Variants in RBM19 observed in about 807,000 individuals in gnomAD.
The protein encoded by RBM19 is probable RNA-binding protein 19.
Under a neutral mutation model 116.8 loss-of-function variants are expected in RBM19, and 94 were observed. The observed-to-expected ratio is 0.80, with a 90% CI of 0.68 to 0.95. The LOEUF (loss-of-function observed/expected upper bound fraction) is 0.95. Ranked by LOEUF, RBM19 falls within the 40% of genes least tolerant of loss-of-function variation. The pLI is 0.00. For synonymous variants in RBM19, 475 were observed against 494.1 expected (o/e 0.96, Z 0.51); for missense variants, 1,161 against 1,220.7 (o/e 0.95, Z 0.73).
At chr12:113,869,407 C>T (rs901008607) in intron 21 of RBM19, among the ~76,000 whole-genome samples, 1 of 152,192 alleles carries the variant, frequency 6.6e-6, no homozygotes, top group Non-Finnish European at 1.5e-5. Context: ...GCATGCTCCT[C>T]CTCTCAGGAG....
chr12:113,841,285 C>A (rs2135712407), intron 23 of RBM19, among the ~76,000 whole-genome samples: 1 of 152,342 alleles, frequency 6.6e-6, no homozygotes, highest in African/African-American at 2.4e-5. Context: ...ATTTGTTATT[C>A]ATTCTCTCAG....
intron 12 of RBM19, 121 bp from the exon 13 acceptor site, chr12:113,946,045 C>T (rs570410788): frequency 1.1e-6 from 1 of 939,270 alleles, no homozygotes; most frequent in East Asian, 2.6e-5. Flanking sequence ...CCCCCAATTT[C>T]CCTATCATGG....
At position 113,962,318 on chromosome 12, in the gene RBM19, C is replaced by T; in HGVS notation, c.133G>A (p.Gly45Ser). The T allele has an allele frequency of 6.2e-7, 1 of 1,614,134 alleles. No individual in the cohort carries two copies. The highest frequency in any genetic ancestry group is 2.2e-5 in the East Asian group (1 of 44,890). Reference sequence around the variant, plus strand: ...TCCTCGGACTTGAAGCCAATAAAACCAAACTTGCGGAACTTGCCATCTTTG... The same window carrying T: ...TCCTCGGACTTGAAGCCAATAAAACTAAACTTGCGGAACTTGCCATCTTTG... ...FTKDGKFRKF[G>S]FIGFKSEEEA... Residue 45 changes from glycine to serine, a missense_variant, in exon 2 of 24, where the codon GGT becomes AGT. Coordinates refer to ENST00000261741, the MANE Select transcript of RBM19 (RefSeq NM_016196.4).
At chr12:113,904,712 G>C (rs562251479) in intron 21 of RBM19, among the ~76,000 whole-genome samples, 83 of 152,300 alleles carry the variant, frequency 5.4e-4, no homozygotes, top group Non-Finnish European at 1.1e-3. Context: ...CAGATGGGTT[G>C]AGGCACACAA....
At position 113,921,981 on chromosome 12, in the gene RBM19, C is replaced by T. The variant is rs11066814; in HGVS notation, c.2306-1291G>A. Reference sequence around the variant, plus strand: ...AGCAAGAGGCTCTGATCTGGCATTGCGGGGTGGGGGGATGGAGGAGAGAGA... The same window carrying T: ...AGCAAGAGGCTCTGATCTGGCATTGTGGGGTGGGGGGATGGAGGAGAGAGA... On this transcript the variant is annotated intron_variant, in intron 18 of 23. Coordinates refer to ENST00000261741, the MANE Select transcript of RBM19 (RefSeq NM_016196.4). Among the ~76,000 whole-genome samples the T allele has an allele frequency of 7.8e-3, 1,186 of 152,244 alleles. 17 individuals carry two copies. Among genetic ancestry groups the T allele is most frequent in the Admixed American group, 0.038 (588 of 15,286 alleles).
At chr12:113,857,631 T>A (rs887236416) in intron 22 of RBM19, among the ~76,000 whole-genome samples, 1 of 152,250 alleles carries the variant, frequency 6.6e-6, no homozygotes, top group Admixed American at 6.5e-5. Context: ...GAGGAGCAGA[T>A]GTCCAGACAA....
chr12:113,830,980 G>A (rs1256725024), intron 23 of RBM19, among the ~76,000 whole-genome samples: 2 of 152,198 alleles, frequency 1.3e-5, no homozygotes, highest in Non-Finnish European at 2.9e-5. Context: ...AAACAGTCCA[G>A]GGGGTCGGGG....
chr12:113,866,206 T>C (rs1030767001), intron 21 of RBM19, among the ~76,000 whole-genome samples: 6 of 152,204 alleles, frequency 3.9e-5, no homozygotes, highest in Non-Finnish European at 7.3e-5. Context: ...CTGCTCATCA[T>C]GGTGAGAGCC....
chr12:113,873,137 T>C (rs1879403383), intron 21 of RBM19, among the ~76,000 whole-genome samples: 2 of 117,890 alleles, frequency 1.7e-5, no homozygotes, highest in East Asian at 2.6e-4. Context: ...TACTGGGAAG[T>C]GAGGAGCCCC....
At chr12:113,919,561 A>G (rs1461139178) in intron 19 of RBM19, among the ~76,000 whole-genome samples, 1 of 152,148 alleles carries the variant, frequency 6.6e-6, no homozygotes, top group Non-Finnish European at 1.5e-5. Context: ...ACAGAGTGAG[A>G]CTCCGTCTCA....
At position 113,914,974 on chromosome 12, in the gene RBM19, G is replaced by C; in HGVS notation, c.2553C>G (p.Leu851=). ...FQAHSREIRE[L]FSTFGELKTV... Reference sequence around the variant, plus strand: ...ACTAAACCTGAAGTTCTCACCTGAAGAGCTCTCGGATCTCCCGGCTGTGGG... The same window carrying C: ...ACTAAACCTGAAGTTCTCACCTGAACAGCTCTCGGATCTCCCGGCTGTGGG... Residue 851 remains leucine (L), a synonymous_variant, in exon 21 of 24, where the codon CTC becomes CTG. Transcript: ENST00000261741. The C allele has an allele frequency of 6.2e-7, 1 of 1,613,166 alleles. No homozygotes were observed. The highest frequency in any genetic ancestry group is 1.3e-5 in the African/African-American group (1 of 75,030).
At chr12:113,941,584 ACCATCCAT>A (rs369630299) in intron 14 of RBM19, among the ~76,000 whole-genome samples, 1 of 141,126 alleles carries the variant, frequency 7.1e-6, no homozygotes, top group Admixed American at 7.1e-5. Flanking sequence ...GTATTCATCC[ACCATCCAT>A]CCATCCATCC....
chr12:113,852,972 C>T (rs775300262), intron 22 of RBM19, among the ~76,000 whole-genome samples: 3 of 152,214 alleles, frequency 2.0e-5, no homozygotes, highest in Non-Finnish European at 2.9e-5. Flanking sequence ...GGGCACCCGG[C>T]GAGGAGGAAG....
intron 20 of RBM19, among the ~76,000 whole-genome samples, chr12:113,915,809 G>C (rs923238190): frequency 3.9e-5 from 6 of 152,188 alleles, no homozygotes; most frequent in Admixed American, 3.9e-4. Flanking sequence ...AGCAGACTCA[G>C]CACTGGACCC....
intron 21 of RBM19, among the ~76,000 whole-genome samples, chr12:113,864,608 G>A (rs1320431859): frequency 6.6e-6 from 1 of 152,172 alleles, no homozygotes; most frequent in African/African-American, 2.4e-5. Flanking sequence ...GTGGCCAAGG[G>A]CCCCAGTTGT....
At chr12:113,951,645 C>T (rs537125571) in intron 8 of RBM19, among the ~76,000 whole-genome samples, 1 of 152,318 alleles carries the variant, frequency 6.6e-6, no homozygotes, top group South Asian at 2.1e-4. Context: ...TTACCCTGAC[C>T]TCATCCTGCC....
intron 21 of RBM19, among the ~76,000 whole-genome samples, chr12:113,895,547 C>A (rs867395355): frequency 4.6e-5 from 7 of 152,150 alleles, no homozygotes; most frequent in African/African-American, 1.4e-4. Flanking sequence ...ACAGAAAACA[C>A]GACATCATTT....
At chr12:113,897,462 G>A (rs1002881584) in intron 21 of RBM19, among the ~76,000 whole-genome samples, 10 of 152,198 alleles carry the variant, frequency 6.6e-5, no homozygotes, top group South Asian at 2.1e-4. Flanking sequence ...CATGGCACCC[G>A]GCCCAGAGTG....
intron 20 of RBM19, among the ~76,000 whole-genome samples, chr12:113,915,384 C>T (rs977671006): frequency 6.6e-6 from 1 of 152,166 alleles, no homozygotes; most frequent in Non-Finnish European, 1.5e-5. Flanking sequence ...GGTTTCTCAC[C>T]AAACCCAATC....
Sources: gnomAD v4.1 joint callset for allele counts (sites outside exome capture counted in the v4.1 genomes callset) on GRCh38, gnomAD v4.1.1 for gene constraint, MANE v1.5 for transcripts, NCBI Gene and HGNC (gene_info 2026-07-23, HGNC 2026-07-21) for gene names.